The following CRB1 variants were observed in gnomAD, a reference collection of about 807,000 sequenced individuals.
CRB1 encodes crumbs cell polarity complex component 1, also known as protein crumbs homolog 1.
Under a neutral mutation model 120.0 loss-of-function variants are expected in CRB1, and 83 were observed. The ratio of observed to expected loss-of-function variants is 0.69; its 90% confidence interval spans 0.58 to 0.83. The LOEUF is 0.83. CRB1 is among the 40% of genes least tolerant of loss of function. The pLI, the probability that CRB1 is intolerant of heterozygous loss-of-function variation, is 0.00. For synonymous variants in CRB1, 625 were observed against 612.5 expected (o/e 1.02, Z -0.30); for missense variants, 1,699 against 1,687.6 (o/e 1.01, Z -0.12).
the CRB1 span, among the ~76,000 whole-genome samples, chr1:197,233,459 A>G: frequency 6.6e-6 from 1 of 152,162 alleles, no homozygotes; most frequent in East Asian, 1.9e-4. Context: ...AAGGATGTAA[A>G]TGATCGTCCT....
intron 1 of CRB1, among the ~76,000 whole-genome samples, chr1:197,269,526 TC>T (rs981060102): frequency 5.3e-5 from 8 of 152,300 alleles, no homozygotes; most frequent in African/African-American, 1.7e-4. Flanking sequence ...AGATTTTTTT[TC>T]ATATATATTT....
intron 5 of CRB1, among the ~76,000 whole-genome samples, chr1:197,395,339 C>A (rs1205964479): frequency 2.6e-5 from 4 of 152,002 alleles, no homozygotes; most frequent in Non-Finnish European, 2.9e-5. Flanking sequence ...TATTTGAAAC[C>A]CTGATATTTA....
At chr1:197,326,916 TG>T (rs1457655820) in intron 1 of CRB1, among the ~76,000 whole-genome samples, 1 of 151,198 alleles carries the variant, frequency 6.6e-6, no homozygotes, top group Non-Finnish European at 1.5e-5. Flanking sequence ...AAATTATTAG[TG>T]ACTTGTACCT....
intron 1 of CRB1, among the ~76,000 whole-genome samples, chr1:197,320,068 C>G (rs1421728901): frequency 2.0e-5 from 3 of 152,228 alleles, no homozygotes; most frequent in Non-Finnish European, 4.4e-5. Context: ...AGCCAATCAG[C>G]TCTTAGGCTC....
chr1:197,209,731 AC>A, the CRB1 span, among the ~76,000 whole-genome samples: 13 of 152,188 alleles, frequency 8.5e-5, no homozygotes, highest in African/African-American at 2.9e-4. Context: ...TTCCCTGGGG[AC>A]CAAGAATGCG....
chr1:197,361,224 T>C (rs1048061665), intron 5 of CRB1, among the ~76,000 whole-genome samples: 2 of 151,930 alleles, frequency 1.3e-5, no homozygotes, highest in East Asian at 1.9e-4. Flanking sequence ...ACTGTCTTTG[T>C]CTGGTTTTAA....
chr1:197,356,707 C>A, intron 4 of CRB1, 124 bp from the exon 5 acceptor site: 1 of 899,930 alleles, frequency 1.1e-6, no homozygotes, highest in South Asian at 1.4e-5. Flanking sequence ...CTTACCAGCT[C>A]CTTGAGGGCA....
chr1:197,218,570 T>C, the CRB1 span, among the ~76,000 whole-genome samples: 8 of 152,220 alleles, frequency 5.3e-5, no homozygotes, highest in Non-Finnish European at 1.2e-4. Flanking sequence ...GGAATAAATG[T>C]GGAGGTCAAT....
At chr1:197,347,023 G>A (rs1285833500) in intron 3 of CRB1, among the ~76,000 whole-genome samples, 1 of 152,126 alleles carries the variant, frequency 6.6e-6, no homozygotes, top group Non-Finnish European at 1.5e-5. Context: ...GTGGAATACT[G>A]TGTCTATTCT....
intron 3 of CRB1, among the ~76,000 whole-genome samples, chr1:197,346,537 C>T (rs1329540228): frequency 6.6e-6 from 1 of 152,162 alleles, no homozygotes; most frequent in African/African-American, 2.4e-5. Context: ...AAAACACACA[C>T]AGCCATAGCG....
chr1:197,439,025 A>G (rs1028188748), intron 10 of CRB1: 2 of 285,270 alleles, frequency 7.0e-6, no homozygotes, highest in Non-Finnish European at 1.4e-5. Context: ...ATAAATTACA[A>G]CTAAAAGATT....
intron 1 of CRB1, among the ~76,000 whole-genome samples, chr1:197,291,517 A>G (rs1054706207): frequency 2.6e-5 from 4 of 151,978 alleles, no homozygotes; most frequent in African/African-American, 9.6e-5. Context: ...ATTTCATTTG[A>G]TTGACTTTTA....
intron 10 of CRB1, 198 bp from the exon 11 acceptor site, chr1:197,441,968 A>G: frequency 1.5e-6 from 1 of 645,610 alleles, no homozygotes; most frequent in South Asian, 1.8e-5. Flanking sequence ...ATGTGTACAG[A>G]TTATTTCCAT....
At chr1:197,439,569 A>G (rs748655154) in intron 10 of CRB1, 4 of 152,194 alleles carry the variant, frequency 2.6e-5, no homozygotes, top group African/African-American at 9.7e-5. Context: ...TGCCAGCATA[A>G]CTGTATGAAT....
At chr1:197,334,117 T>G (rs560428779) in intron 2 of CRB1, among the ~76,000 whole-genome samples, 1 of 152,182 alleles carries the variant, frequency 6.6e-6, no homozygotes, top group Non-Finnish European at 1.5e-5. Flanking sequence ...GAGGTGGGGG[T>G]CCAAGAATAT....
chr1:197,438,251 A>C (rs1320343235), intron 9 of CRB1: 2 of 354,288 alleles, frequency 5.6e-6, no homozygotes, highest in Non-Finnish European at 1.1e-5. Context: ...AGTTATAGCA[A>C]GTTCTTTTCC....
intron 5 of CRB1, among the ~76,000 whole-genome samples, chr1:197,384,400 A>G (rs573914015): frequency 6.6e-6 from 1 of 152,282 alleles, no homozygotes; most frequent in South Asian, 2.1e-4. Flanking sequence ...CAATGGATCC[A>G]CTTTCCAACC....
At chr1:197,464,378 A>G (rs1344109510) in intron 11 of CRB1, among the ~76,000 whole-genome samples, 11 of 152,148 alleles carry the variant, frequency 7.2e-5, no homozygotes, top group Admixed American at 7.2e-4. Context: ...GTGACTAATC[A>G]TGGTTTTCTT....
At chr1:197,385,765 A>G (rs1334685104) in intron 5 of CRB1, among the ~76,000 whole-genome samples, 2 of 152,088 alleles carry the variant, frequency 1.3e-5, no homozygotes, top group Non-Finnish European at 2.9e-5. Flanking sequence ...CCTAGAGCTG[A>G]CATTCATAAT....
Sources: gnomAD v4.1 joint callset for allele counts (sites outside exome capture counted in the v4.1 genomes callset) on GRCh38, gnomAD v4.1.1 for gene constraint, MANE v1.5 for transcripts, NCBI Gene and HGNC (gene_info 2026-07-23, HGNC 2026-07-21) for gene names.